Variants in RHBDF1 observed in about 807,000 individuals in gnomAD.
RHBDF1 encodes inactive rhomboid protein 1.
RHBDF1 carries 80 observed loss-of-function variants against 98.6 expected under a neutral mutation model. The ratio of observed to expected loss-of-function variants is 0.81; its 90% confidence interval spans 0.68 to 0.98. RHBDF1 has a LOEUF of 0.98. Ranked by LOEUF, RHBDF1 falls within the 50% of genes least tolerant of loss-of-function variation. RHBDF1 has a pLI of 0.00. For missense variants in RHBDF1, 1,116 were observed against 1,198.3 expected, an observed-to-expected ratio of 0.93 and a Z score of 1.01; for synonymous variants, 512 against 486.8, an observed-to-expected ratio of 1.05 and a Z score of -0.68.
chr16:58,818 A>AGGCCTCAT (rs899479505), intron 17 of RHBDF1, 59 bp from the exon 18 acceptor site: 2 of 1,575,308 alleles, frequency 1.3e-6, no homozygotes, highest in Admixed American at 1.7e-5. Context: ...CCTGGACCCA[A>AGGCCTCAT]GGCCTCATCT....
chr16:73,271 C>T (rs1898024276), upstream of RHBDF1, among the ~76,000 whole-genome samples: 1 of 152,254 alleles, frequency 6.6e-6, no homozygotes, highest in Admixed American at 6.5e-5. Flanking sequence ...CAGTTCAGGA[C>T]CACAGTCATT....
Position 59,263 on chromosome 16 carries a change from G to A in RHBDF1, c.1980C>T (p.Leu660=), listed in dbSNP as rs1019559193. 12 of 1,605,734 alleles carry A rather than the reference G, an allele frequency of 7.5e-6. No individual in the cohort carries two copies. Among genetic ancestry groups the A allele is most frequent in the East Asian group, 2.2e-5 (1 of 44,798 alleles). The part of the protein sequence containing the change: ...PDQFYRLWLS[L]FLHAGILHCL... ...GTGTCACTTGCCCGGCGTGCAGGAA[G>A]AGGGATAGCCACAGGCGGTAGAACT... The change falls in exon 16 of 18, where the codon CTC becomes CTT. Residue 660 remains leucine, a synonymous_variant. Coordinates refer to ENST00000262316, the MANE Select transcript of RHBDF1 (RefSeq NM_022450.5).
At chr16:60,624 A>G (rs557437297) in intron 11 of RHBDF1, 85 bp from the exon 12 acceptor site, 1 of 936,294 alleles carries the variant, frequency 1.1e-6, no homozygotes, top group East Asian at 2.5e-5. Flanking sequence ...AGGCAAAACC[A>G]CTGAGCTCTT....
chr16:61,344 G>C (rs557955543), intron 10 of RHBDF1, 41 bp downstream of exon 10: 13 of 1,545,490 alleles, frequency 8.4e-6, no homozygotes, highest in Admixed American at 2.0e-5. Context: ...GGCACCTCCA[G>C]GTCCCGCCCC....
rs376030368 is a variant in RHBDF1 at position 63,790 on chromosome 16, C to A, written c.259G>T (p.Asp87Tyr). The A allele has an allele frequency of 5.9e-5, 95 of 1,613,170 alleles. No individual in the cohort carries two copies. The highest frequency in any genetic ancestry group is 7.4e-5 in the Non-Finnish European group (87 of 1,179,534). Residue 87 changes from aspartate to tyrosine, a missense_variant, in exon 4 of 18, where the codon GAC becomes TAC. Coordinates refer to ENST00000262316, the MANE Select transcript of RHBDF1 (RefSeq NM_022450.5). ...CTGTCCTTGCTCACTCCAAACCAGT[C>A]GGCGGTCCCCCTGGCATGGCAGGGA... The part of the protein sequence containing the change: ...ITQTIRRGTA[D>Y]WFGVSKDSDS...
chr16:58,427 G>T lies in RHBDF1; in HGVS notation c.2481C>A (p.Val827=). ...TGAGGAACTCACACCACTCACAGCG[G>T]ACAGGATAGACGTAGAAGAGGACCA... The part of the protein sequence containing the change: ...GLVVLFYVYP[V]RCEWCEFLTC... Residue 827 remains valine (V), a synonymous_variant, in exon 18 of 18, where the codon GTC becomes GTA. Coordinates refer to ENST00000262316, the MANE Select transcript of RHBDF1 (RefSeq NM_022450.5). 1 of 1,614,070 alleles carries T rather than the reference G, an allele frequency of 6.2e-7. No individual in the cohort carries two copies. Among genetic ancestry groups the T allele is most frequent in the East Asian group, 2.2e-5 (1 of 44,888 alleles).
chr16:64,792 A>C lies in RHBDF1; in HGVS notation c.155T>G (p.Met52Arg), dbSNP rs1897780807. ...RRQAFLRSVS[M>R]PAETAHISSP... ...AGAGATGTGGGCTGTCTCGGCTGGC[A>C]TACTCACACTCCTCAGGAAAGCCTG... is the stretch of plus-strand genomic sequence containing the variant. Residue 52 changes from methionine (M) to arginine (R), a missense_variant, in exon 3 of 18, where the codon ATG becomes AGG. Met to Arg is a moderately conservative substitution (Grantham distance 91, BLOSUM62 -1). Coordinates refer to ENST00000262316, the MANE Select transcript of RHBDF1 (RefSeq NM_022450.5). 1.9e-6 allele frequency: 3 copies of C among 1,614,062 alleles called. No individual in the cohort carries two copies. Among genetic ancestry groups the C allele is most frequent in the Non-Finnish European group, 2.5e-6 (3 of 1,180,000 alleles).
intron 4 of RHBDF1, 24 bp from the exon 5 acceptor site, chr16:63,206 G>T: frequency 5.2e-6 from 8 of 1,538,014 alleles, no homozygotes; most frequent in Non-Finnish European, 7.0e-6. Context: ...GGAGATGCTG[G>T]AGTCAGGACC....
chr16:72,479 C>T, intron 1 of RHBDF1, 34 bp downstream of exon 1: 1 of 968,180 alleles, frequency 1.0e-6, no homozygotes, highest in Non-Finnish European at 1.2e-6. Context: ...CCGCCCGCCC[C>T]CGGAGCCCTG....
chr16:59,612 C>A, intron 14 of RHBDF1, 118 bp from the exon 15 acceptor site: 1 of 1,478,490 alleles, frequency 6.8e-7, no homozygotes. Flanking sequence ...GTCCAGACCC[C>A]CTCTAACCCC....
Position 58,552 on chromosome 16 carries a change from A to G in RHBDF1, c.2356T>C (p.Phe786Leu). ...TTGCCAAAGCTGATGTAGGGCAAGA[A>G]GGCGAAGGAGAGGAAGAGGCCACTG... ...FISGLFLSFA[F>L]LPYISFGKFD... Residue 786 changes from phenylalanine (F) to leucine (L), a missense_variant, in exon 18 of 18, where the codon TTC becomes CTC. Transcript: ENST00000262316. The G allele has an allele frequency of 6.2e-7, 1 of 1,613,972 alleles. No individual in the cohort carries two copies. The highest frequency in any genetic ancestry group is 8.5e-7 in the Non-Finnish European group (1 of 1,179,972).
At chr16:69,714 T>C (rs1317921161) in intron 1 of RHBDF1, among the ~76,000 whole-genome samples, 5 of 152,168 alleles carry the variant, frequency 3.3e-5, no homozygotes, top group African/African-American at 1.2e-4. Context: ...TGCTAGGCCC[T>C]TTGCAAACCC....
intron 9 of RHBDF1, 57 bp downstream of exon 9, chr16:61,527 AG>A: frequency 6.2e-7 from 1 of 1,610,982 alleles, no homozygotes; most frequent in Non-Finnish European, 8.5e-7. Context: ...GCGGGTCGGG[AG>A]GGGGTCCAGT....
chr16:62,586 G>A lies in RHBDF1; in HGVS notation c.905C>T (p.Thr302Ile), dbSNP rs140686704. 1 of 1,613,530 alleles carries A rather than the reference G, an allele frequency of 6.2e-7. No individual in the cohort carries two copies. The highest frequency in any genetic ancestry group is 8.5e-7 in the Non-Finnish European group (1 of 1,180,034). ...CTCGCTGCGGTCCAGGGCCCCGCCG[G>A]TGAGGTCCGCCTGCTCCGGTGCCTT... ...WEKAPEQADL[T>I]GGALDRSELE... The change falls in exon 7 of 18, where the codon ACC (threonine) becomes ATC (isoleucine). Residue 302 changes from threonine to isoleucine, a missense_variant. By Grantham distance (89) the Thr-to-Ile change is moderately conservative. Transcript: ENST00000262316.
chr16:64,523 G>T, intron 3 of RHBDF1, 176 bp downstream of exon 3: 1 of 1,543,432 alleles, frequency 6.5e-7, no homozygotes, highest in East Asian at 2.3e-5. Context: ...CAGGGTAGTG[G>T]GGTGAGAGCG....
chr16:61,491 C>T, intron 9 of RHBDF1, 32 bp from the exon 10 acceptor site: 2 of 1,612,240 alleles, frequency 1.2e-6, no homozygotes, highest in Non-Finnish European at 1.7e-6. Context: ...TCAGACGGGC[C>T]CCGACTCTGG....
intron 1 of RHBDF1, among the ~76,000 whole-genome samples, chr16:68,661 G>C (rs927197991): frequency 6.6e-6 from 1 of 152,112 alleles, no homozygotes; most frequent in Admixed American, 6.5e-5. Flanking sequence ...GGACCAGCTG[G>C]GGGGGCTGCG....
At chr16:62,466 G>C in intron 7 of RHBDF1, 72 bp downstream of exon 7, 9 of 1,561,102 alleles carry the variant, frequency 5.8e-6, no homozygotes, top group Non-Finnish European at 7.8e-6. Flanking sequence ...GGTGAATGCC[G>C]ATACTCGCCC....
intron 3 of RHBDF1, chr16:64,354 G>C: frequency 2.2e-6 from 3 of 1,368,566 alleles, no homozygotes; most frequent in Non-Finnish European, 2.9e-6. Context: ...CCAAGAGAGA[G>C]ACTGGCGCTG....
Sources: gnomAD v4.1 joint callset for allele counts (sites outside exome capture counted in the v4.1 genomes callset) on GRCh38, gnomAD v4.1.1 for gene constraint, MANE v1.5 for transcripts, NCBI Gene and HGNC (gene_info 2026-07-23, HGNC 2026-07-21) for gene names.